Variants in MAP4K4 observed in about 807,000 individuals in gnomAD.
MAP4K4 encodes mitogen-activated protein kinase kinase kinase kinase 4, also known as HPK/GCK-like kinase HGK.
In MAP4K4, 38 loss-of-function variants were observed where a neutral mutation model predicts 189.6. That is an observed-to-expected ratio of 0.20 (90% confidence interval 0.15 to 0.26). MAP4K4 has a LOEUF of 0.26. Ranked by LOEUF, MAP4K4 falls within the 10% of genes least tolerant of loss-of-function variation. MAP4K4 has a pLI of 1.00. For missense variants in MAP4K4, 1,054 were observed against 1,726.9 expected (o/e 0.61, Z 6.91); for synonymous variants, 610 against 624.3 (o/e 0.98, Z 0.34).
intron 13 of MAP4K4, among the ~76,000 whole-genome samples, chr2:101,857,264 G>A (rs77657034): frequency 0.016 from 2,397 of 152,056 alleles, 49 homozygotes; most frequent in African/African-American, 0.037. Context: ...TTCTAAAATC[G>A]GTTTTATTCT....
chr2:101,801,718 C>T (rs1327132256), intron 3 of MAP4K4, among the ~76,000 whole-genome samples: 1 of 152,164 alleles, frequency 6.6e-6, no homozygotes, highest in Non-Finnish European at 1.5e-5. Context: ...GGTGTCAGGC[C>T]TCAGGACTAA....
exon 1 of MAP4K4, chr2:101,698,028 C>A: frequency 1.6e-6 from 2 of 1,233,092 alleles, no homozygotes; most frequent in Non-Finnish European, 2.1e-6. Flanking sequence ...CTGAGATACA[C>A]AGAGCGACAG....
At chr2:101,850,554 T>C (rs2097253217) in intron 12 of MAP4K4, among the ~76,000 whole-genome samples, 1 of 152,210 alleles carries the variant, frequency 6.6e-6, no homozygotes, top group South Asian at 2.1e-4. Flanking sequence ...AAGCCATTAG[T>C]ATCTAACATT....
At chr2:101,705,714 G>C (rs1440147672) in intron 2 of MAP4K4, among the ~76,000 whole-genome samples, 1 of 152,182 alleles carries the variant, frequency 6.6e-6, no homozygotes, top group Non-Finnish European at 1.5e-5. Flanking sequence ...TGATCTTGCT[G>C]TGGTCAGCAG....
intron 20 of MAP4K4, 45 bp from the exon 21 acceptor site, chr2:101,867,984 T>G: frequency 6.2e-7 from 1 of 1,611,096 alleles, no homozygotes; most frequent in Non-Finnish European, 8.5e-7. Context: ...GCATTCCTCA[T>G]CAACGATGGC....
rs149262138 is a variant in MAP4K4 at position 101,868,338 on chromosome 2, A to G, written c.2463+301A>G. Among the ~76,000 whole-genome samples, 450 of 152,340 alleles carry G rather than the reference A, an allele frequency of 3.0e-3. 4 individuals carry two copies. The highest frequency in any genetic ancestry group is 0.01 in the African/African-American group (420 of 41,572). ...AGTGGCTCAAGCTCAAAGAAAAGAAACATTCTCAACTATGAAGAAAATAGA... is the reference window on the plus strand; with the variant it reads ...AGTGGCTCAAGCTCAAAGAAAAGAAGCATTCTCAACTATGAAGAAAATAGA... On this transcript the variant is annotated intron_variant, in intron 21 of 32. Coordinates refer to ENST00000324219, the Ensembl canonical transcript of MAP4K4.
At chr2:101,779,603 C>T (rs949014165) in intron 2 of MAP4K4, among the ~76,000 whole-genome samples, 15 of 151,790 alleles carry the variant, frequency 9.9e-5, no homozygotes, top group African/African-American at 3.6e-4. Context: ...TTTCACATGC[C>T]GAGACAAGAG....
At chr2:101,713,464 C>T (rs986717418) in intron 2 of MAP4K4, among the ~76,000 whole-genome samples, 3 of 151,758 alleles carry the variant, frequency 2.0e-5, no homozygotes, top group African/African-American at 7.3e-5. Context: ...GGCACGGTGG[C>T]GCATGCCTGT....
chr2:101,707,212 C>CTTT (rs545502305), intron 2 of MAP4K4, among the ~76,000 whole-genome samples: 4 of 133,944 alleles, frequency 3.0e-5, no homozygotes, highest in Non-Finnish European at 3.2e-5. Flanking sequence ...TTTATTTTAT[C>CTTT]TTTTTTTTTT....
intron 2 of MAP4K4, among the ~76,000 whole-genome samples, chr2:101,738,451 A>C (rs2061352399): frequency 1.3e-5 from 2 of 152,230 alleles, no homozygotes; most frequent in African/African-American, 4.8e-5. Flanking sequence ...GCCTTTTTAA[A>C]TTTTTTTAAT....
intron 20 of MAP4K4, 181 bp downstream of exon 20, chr2:101,867,490 T>C (rs376328244): frequency 1.6e-5 from 9 of 572,730 alleles, no homozygotes; most frequent in African/African-American, 1.5e-4. Flanking sequence ...TCGTCTGCTT[T>C]CCCTGTATAA....
intron 3 of MAP4K4, among the ~76,000 whole-genome samples, chr2:101,795,762 A>G (rs777359682): frequency 7.2e-5 from 11 of 152,170 alleles, no homozygotes; most frequent in Non-Finnish European, 8.8e-5. Flanking sequence ...ATTTTTTCAA[A>G]AACCAGAATT....
At chr2:101,890,828 T>C (rs559353278) in intron 32 of MAP4K4, among the ~76,000 whole-genome samples, 83 of 151,948 alleles carry the variant, frequency 5.5e-4, no homozygotes, top group African/African-American at 2.0e-3. Flanking sequence ...TGGTGTGACC[T>C]TGGCTCACTG....
exon 15 of MAP4K4, chr2:101,859,773 AGCC>A: frequency 6.2e-7 from 1 of 1,610,468 alleles, no homozygotes; most frequent in South Asian, 1.1e-5. Context: ...CACTCGCAGC[AGCC>A]GCCACCACCG....
chr2:101,730,232 G>A (rs2057806834), intron 2 of MAP4K4, among the ~76,000 whole-genome samples: 1 of 152,088 alleles, frequency 6.6e-6, no homozygotes, highest in Admixed American at 6.6e-5. Context: ...TGGAATAGTT[G>A]GTAGATGGTC....
intron 2 of MAP4K4, among the ~76,000 whole-genome samples, chr2:101,730,798 A>G (rs533547464): frequency 1.3e-5 from 2 of 152,276 alleles, no homozygotes; most frequent in African/African-American, 4.8e-5. Context: ...CTGTAATCCC[A>G]GCACTTTGGG....
chr2:101,706,141 TC>T (rs1208518636), intron 2 of MAP4K4, among the ~76,000 whole-genome samples: 2 of 152,200 alleles, frequency 1.3e-5, no homozygotes, highest in South Asian at 2.1e-4. Context: ...CATCCTGTTC[TC>T]CAGAAGCATG....
chr2:101,767,438 T>C (rs2079101801), intron 2 of MAP4K4, among the ~76,000 whole-genome samples: 1 of 152,248 alleles, frequency 6.6e-6, no homozygotes, highest in South Asian at 2.1e-4. Context: ...TTTTGAAAGC[T>C]CTTCAGTTAG....
intron 2 of MAP4K4, among the ~76,000 whole-genome samples, chr2:101,717,305 T>C (rs943260477): frequency 6.6e-6 from 1 of 152,150 alleles, no homozygotes; most frequent in Non-Finnish European, 1.5e-5. Flanking sequence ...GAAGCTTATC[T>C]CCTTCCCCAA....
Sources: allele counts gnomAD v4.1 joint callset (sites outside exome capture counted in the v4.1 genomes callset), GRCh38; gene constraint gnomAD v4.1.1; transcripts MANE v1.5; gene names NCBI Gene and HGNC (gene_info 2026-07-23, HGNC 2026-07-21).